Variants in ADAP1 observed in about 807,000 individuals in gnomAD.
The protein encoded by ADAP1 is arf-GAP with dual PH domain-containing protein 1.
In ADAP1, 31 loss-of-function variants were observed where a neutral mutation model predicts 54.9. The ratio of observed to expected loss-of-function variants is 0.56; its 90% CI spans 0.42 to 0.76. ADAP1 has a LOEUF of 0.76. Among genes scored for constraint, ADAP1 ranks in the 30% least tolerant of loss-of-function variants. The pLI, the probability that ADAP1 is intolerant of heterozygous loss-of-function variation, is 0.00. For missense variants in ADAP1, 535 were observed against 512.4 expected, an observed-to-expected ratio of 1.04 and a Z score of -0.42; for synonymous variants, 313 against 202.6, an observed-to-expected ratio of 1.55 and a Z score of -4.63.
rs907170157 is a variant in ADAP1 at position 945,284 on chromosome 7, C to T, written c.82+9112G>A. 6.6e-6 allele frequency among the ~76,000 whole-genome samples: 1 copy of T among 152,214 alleles called. No homozygotes were observed. The highest frequency in any genetic ancestry group is 6.5e-5 in the Admixed American group (1 of 15,286). On this transcript the variant is annotated intron_variant, in intron 1 of 10. Coordinates refer to ENST00000265846, the MANE Select transcript of ADAP1 (RefSeq NM_006869.4). The surrounding 1 kb of genome is among the most constrained non-coding windows in gnomAD (Gnocchi z 4.2). ...GGAGCGAAAAGGGGCGGGGCACGCACTCTCAGAGACCCTCCAGGGTGGAAG... is the reference window on the plus strand; with the variant it reads ...GGAGCGAAAAGGGGCGGGGCACGCATTCTCAGAGACCCTCCAGGGTGGAAG...
Position 926,720 on chromosome 7 carries a change from C to T in ADAP1, c.214-76G>A. The T allele has an allele frequency of 4.8e-6, 6 of 1,239,560 alleles. No individual in the cohort carries two copies. Among genetic ancestry groups the T allele is most frequent in the Non-Finnish European group, 1.1e-6 (1 of 909,808 alleles). The allele number at this position is 1,239,560 out of a possible 1,614,324, so 76.8% of individuals were successfully genotyped here. ...TAGGAGGTGCCAGCTGCCCTTGGGG[C>T]CGTCACCACAGTGACCCGCAGACCC... On this transcript the variant is annotated intron_variant, in intron 2 of 10. Transcript: ENST00000265846. This position sits in a 1 kb window ranked among gnomAD's most constrained non-coding sequence, Gnocchi z 4.6.
intron 4 of ADAP1, among the ~76,000 whole-genome samples, chr7:905,827 A>G (rs1275649022): frequency 2.4e-5 from 1 of 42,260 alleles, no homozygotes; most frequent in African/African-American, 6.8e-5. Context: ...GGGAGAAGGG[A>G]GAAGGGAGAA....
chr7:949,656 T>C (rs1172673137), intron 1 of ADAP1, among the ~76,000 whole-genome samples: 2 of 152,056 alleles, frequency 1.3e-5, no homozygotes, highest in Non-Finnish European at 2.9e-5. Flanking sequence ...TCCGGTGCAT[T>C]TGGAGAGGGG....
intron 4 of ADAP1, among the ~76,000 whole-genome samples, chr7:908,865 G>A (rs935969180): frequency 6.6e-6 from 1 of 152,168 alleles, no homozygotes; most frequent in Non-Finnish European, 1.5e-5. Flanking sequence ...GGGCCACCTC[G>A]CCCACGGGGG....
At chr7:954,321 C>T in intron 1 of ADAP1, 75 bp downstream of exon 1, 1 of 995,488 alleles carries the variant, frequency 1.0e-6, no homozygotes, top group Non-Finnish European at 1.2e-6. Flanking sequence ...TCCCCGGGGC[C>T]CACCCAGGAC....
At chr7:927,101 G>T (rs946886464) in intron 2 of ADAP1, 3 of 1,304,118 alleles carry the variant, frequency 2.3e-6, no homozygotes, top group African/African-American at 1.5e-5. Flanking sequence ...GCCTGGAGAT[G>T]GGCTGGTGAG....
intron 2 of ADAP1, among the ~76,000 whole-genome samples, chr7:928,057 A>C (rs577274749): frequency 6.6e-6 from 1 of 151,450 alleles, no homozygotes; most frequent in South Asian, 2.1e-4. Context: ...CTCTCAAAAA[A>C]AAAAAAAAAA....
rs1285362693 is a variant in ADAP1, at chr7:905,356, CAGGGAAAGGGAAAGGGAAAGGAGAAA to C, written c.389-210_389-185del. ...GGAGACAGGGAGATAGGAAGATGGG[CAGGGAAAGGGAAAGGGAAAGGAGAAA>C]GGAGAAAGGAGAAAGGAGAAAGGAG... is the stretch of plus-strand genomic sequence containing the variant. On this transcript the variant is annotated intron_variant, in intron 4 of 10. Transcript: ENST00000265846. 6.4e-5 allele frequency: 15 copies of C among 234,730 alleles called. 1 individual carries two copies. Among genetic ancestry groups the C allele is most frequent in the South Asian group, 8.8e-5 (2 of 22,680 alleles). 14.5% of individuals were successfully genotyped at this position (234,730 alleles called of 1,614,324 possible).
At chr7:919,126 T>C (rs2128104205) in intron 4 of ADAP1, among the ~76,000 whole-genome samples, 1 of 152,312 alleles carries the variant, frequency 6.6e-6, no homozygotes, top group Admixed American at 6.5e-5. Flanking sequence ...TGGATGTTTC[T>C]GCCACCCGAG....
chr7:948,832 G>C (rs908290024), intron 1 of ADAP1, among the ~76,000 whole-genome samples: 111 of 152,268 alleles, frequency 7.3e-4, no homozygotes, highest in African/African-American at 2.6e-3. Flanking sequence ...GAGTAGCTGG[G>C]ATTTCAGGCG....
At chr7:905,669 A>AGAAAGGG (rs1845196202) in intron 4 of ADAP1, 1 of 44,746 alleles carries the variant, frequency 2.2e-5, no homozygotes, top group African/African-American at 1.1e-4. Flanking sequence ...AGGAGAAAGG[A>AGAAAGGG]GAAAGGGAAA....
Position 938,283 on chromosome 7 carries a change from C to G in ADAP1, c.83-2778G>C, listed in dbSNP as rs772873864. 3.9e-5 allele frequency among the ~76,000 whole-genome samples: 6 copies of G among 152,126 alleles called. No individual in the cohort carries two copies. The highest frequency in any genetic ancestry group is 5.9e-5 in the Non-Finnish European group (4 of 68,024). On this transcript the variant is annotated intron_variant, in intron 1 of 10. Transcript: ENST00000265846. The surrounding 1 kb of genome is among the most constrained non-coding windows in gnomAD (Gnocchi z 4.4). ...GCAGCCTCCAACGCCTGGGCTCAAG[C>G]GATCCTCCTGCCTCAGCCTTCCAAG...
chr7:905,906 A>AAGGGAGAAGGGAGAAGGGAG (rs1845252241), intron 4 of ADAP1, among the ~76,000 whole-genome samples: 2 of 33,238 alleles, frequency 6.0e-5, no homozygotes, highest in African/African-American at 1.9e-4. Flanking sequence ...GAGAAAGGAG[A>AAGGGAGAAGGGAGAAGGGAG]AAGGGAAAGG....
At chr7:921,228 C>T (rs543375210) in intron 3 of ADAP1, among the ~76,000 whole-genome samples, 8 of 152,350 alleles carry the variant, frequency 5.3e-5, no homozygotes, top group East Asian at 3.9e-4. Context: ...ACCTCGGCGC[C>T]GTCCTCACCT....
In ADAP1 at chr7:933,164, G is replaced by A. The variant is rs544574097; in HGVS notation, c.213+2211C>T. Reference sequence around the variant, plus strand: ...CGTGCACCTGCAATCCCAGCCACTCGGGAGGCTGAGGCAGGAGAATTGCTT... The same window carrying A: ...CGTGCACCTGCAATCCCAGCCACTCAGGAGGCTGAGGCAGGAGAATTGCTT... On this transcript the variant is annotated intron_variant, in intron 2 of 10. Transcript: ENST00000265846. Among the ~76,000 whole-genome samples the A allele has an allele frequency of 6.5e-3, 985 of 152,048 alleles. 3 individuals are homozygous for A. The highest frequency in any genetic ancestry group is 9.9e-3 in the Non-Finnish European group (671 of 67,946).
Position 946,001 on chromosome 7 carries a change from A to G in ADAP1, c.82+8395T>C, listed in dbSNP as rs1396459572. Among the ~76,000 whole-genome samples, 1 of 152,038 alleles carries G rather than the reference A, an allele frequency of 6.6e-6. No homozygotes were observed. The highest frequency in any genetic ancestry group is 1.5e-5 in the Non-Finnish European group (1 of 68,004). ...GACGCACAGCAGAGATCCCGGTGCAATCGAGGCCGGGTCGGACGCTGGCTC... is the reference window on the plus strand; with the variant it reads ...GACGCACAGCAGAGATCCCGGTGCAGTCGAGGCCGGGTCGGACGCTGGCTC... On this transcript the variant is annotated intron_variant, in intron 1 of 10. Transcript: ENST00000265846. This position sits in a 1 kb window ranked among gnomAD's most constrained non-coding sequence, Gnocchi z 4.3.
rs1158366369 is a variant in ADAP1, at chr7:905,431, A to AG, written c.389-260dup. On this transcript the variant is annotated intron_variant, in intron 4 of 10. Transcript: ENST00000265846. The stretch of plus-strand genomic sequence containing the variant: ...AGAAAGGGAGAAAGAGAAAGGAGAA[A>AG]GGAGAAAGGGAGAAAGGGAGAAAGG... The AG allele has an allele frequency of 3.3e-3, 460 of 137,352 alleles. 99 individuals carry two copies. The highest frequency in any genetic ancestry group is 3.5e-3 in the Non-Finnish European group (287 of 82,170). 8.5% of individuals were successfully genotyped at this position (137,352 alleles called of 1,614,324 possible).
At chr7:935,213 G>C (rs1016780223) in intron 2 of ADAP1, 162 bp downstream of exon 2, 2 of 997,932 alleles carry the variant, frequency 2.0e-6, no homozygotes, top group East Asian at 2.7e-5. Flanking sequence ...AGGCGGAGCC[G>C]CTGGAGAGGG....
intron 1 of ADAP1, among the ~76,000 whole-genome samples, 178 bp from the exon 2 acceptor site, chr7:935,683 CTCT>C (rs1846737786): frequency 6.6e-6 from 1 of 151,834 alleles, no homozygotes; most frequent in South Asian, 2.1e-4. Context: ...CCCCCCCGCC[CTCT>C]GCCCGGTGCA....
Sources: gnomAD v4.1 joint callset for allele counts (sites outside exome capture counted in the v4.1 genomes callset) on GRCh38, gnomAD v4.1.1 for gene constraint, Gnocchi (gnomAD v3.1) non-coding constraint, MANE v1.5 for transcripts, NCBI Gene and HGNC (gene_info 2026-07-23, HGNC 2026-07-21) for gene names.